Variants in LRP2 observed in about 807,000 individuals in gnomAD.
LRP2 encodes low-density lipoprotein receptor-related protein 2.
LRP2 carries 172 observed loss-of-function variants against 531.0 expected under a neutral mutation model. The ratio of observed to expected loss-of-function variants is 0.32; its 90% CI spans 0.29 to 0.37. The LOEUF is 0.37. LRP2 is among the 10% of genes least tolerant of loss of function. The pLI is 1.00. For synonymous variants in LRP2, 1,992 were observed against 2,027.6 expected (o/e 0.98, Z 0.47); for missense variants, 5,167 against 5,868.3 (o/e 0.88, Z 3.90).
chr2:169,156,452 T>G, intron 64 of LRP2, 47 bp from the exon 65 acceptor site: 1 of 1,610,592 alleles, frequency 6.2e-7, no homozygotes, highest in Admixed American at 1.7e-5. Flanking sequence ...TCCCATCCAT[T>G]CCTTAGAGAT....
At chr2:169,352,725 A>G (rs1685882448) in intron 1 of LRP2, among the ~76,000 whole-genome samples, 1 of 152,178 alleles carries the variant, frequency 6.6e-6, no homozygotes, top group Non-Finnish European at 1.5e-5. Flanking sequence ...GCTGGAAGCC[A>G]TCATTCTCAG....
Position 169,270,974 on chromosome 2 carries a change from G to A in LRP2, c.2250C>T (p.Ala750=). The change falls in exon 16 of 79, where the codon GCC becomes GCT. Residue 750 remains alanine, a synonymous_variant. Transcript: ENST00000649046. ...CTGAAAAAAAGATAGTGCTGTCCTG[G>A]GCGTCAAAATCAATCCCGACAAAGA... The part of the protein sequence containing the change: ...PSFFVGIDFD[A]QDSTIFFSDM... 1 of 1,613,030 alleles carries A rather than the reference G, an allele frequency of 6.2e-7. No individual in the cohort carries two copies. Among genetic ancestry groups the A allele is most frequent in the Non-Finnish European group, 8.5e-7 (1 of 1,179,568 alleles).
chr2:169,276,050 C>T (rs895444687), intron 13 of LRP2, among the ~76,000 whole-genome samples: 2 of 151,942 alleles, frequency 1.3e-5, no homozygotes, highest in East Asian at 3.9e-4. Flanking sequence ...TTAGCATCCC[C>T]TGAAAACTAA....
intron 4 of LRP2, among the ~76,000 whole-genome samples, chr2:169,297,972 A>AACACACACACACAC (rs10548576): frequency 8.0e-5 from 12 of 150,050 alleles, no homozygotes; most frequent in African/African-American, 2.9e-4. Flanking sequence ...AAGATTGGGA[A>AACACACACACACAC]ACACACACAC....
intron 50 of LRP2, among the ~76,000 whole-genome samples, chr2:169,183,903 C>CCAAT (rs1687532565): frequency 6.6e-6 from 1 of 152,190 alleles, no homozygotes; most frequent in South Asian, 2.1e-4. Flanking sequence ...CTGCCCCCTA[C>CCAAT]CAATGTAAAT....
rs1686964557 is a variant in LRP2 at position 169,170,690 on chromosome 2, C to T, written c.11264-23G>A. On this transcript the variant is annotated intron_variant, in intron 58 of 78. Coordinates refer to ENST00000649046, the MANE Select transcript of LRP2 (RefSeq NM_004525.3). ...GAGCTGGAAAGGAAAGGCACCTGGC[C>T]ATGAGTGTGCACCAGGAATCACATA... The T allele has an allele frequency of 3.3e-6, 5 of 1,494,990 alleles. No homozygotes were observed. The African/African-American group carries it at 4.1e-5, about 12-fold the overall frequency. 92.6% of individuals were successfully genotyped at this position (1,494,990 alleles called of 1,614,324 possible). A position where few individuals can be genotyped will look rare whatever the true frequency, so the allele number is the denominator to read the frequency against.
In LRP2 at chr2:169,170,574, T is replaced by C. The variant is rs752840429; in HGVS notation, c.11357A>G (p.Asp3786Gly). The C allele has an allele frequency of 1.2e-6, 2 of 1,614,052 alleles. No homozygotes were observed. The highest frequency in any genetic ancestry group is 1.7e-6 in the Non-Finnish European group (2 of 1,179,912). ...WICDHYNDCG[D>G]NSDERDCEMR... ...ACCACAGTCCCGTTCATCTGAGTTGTCCCCACAGTCGTTGTAATGGTCACA... is the reference window on the plus strand; with the variant it reads ...ACCACAGTCCCGTTCATCTGAGTTGCCCCCACAGTCGTTGTAATGGTCACA... The change falls in exon 59 of 79, where the codon GAC (aspartate) becomes GGC (glycine). Residue 3786 changes from aspartate (D) to glycine (G), a missense_variant. By Grantham distance (94) the Asp-to-Gly change is moderately conservative. Around this residue, in one of 6 missense-constraint regions of LRP2, gnomAD observed 564 missense variants for 747.7 expected, o/e 0.75. Transcript: ENST00000649046.
chr2:169,151,099 T>C (rs1686102584), intron 67 of LRP2, 73 bp from the exon 68 acceptor site: 1 of 1,528,326 alleles, frequency 6.5e-7, no homozygotes, highest in Non-Finnish European at 9.1e-7. Context: ...GGTTTGAAGA[T>C]GAGAGCATTT....
At chr2:169,260,467 T>C (rs1053983035) in intron 16 of LRP2, among the ~76,000 whole-genome samples, 1 of 151,954 alleles carries the variant, frequency 6.6e-6, no homozygotes, top group Non-Finnish European at 1.5e-5. Flanking sequence ...AAGGAAGGGG[T>C]GAGTGGTCAT....
Position 169,255,871 on chromosome 2 carries a change from C to T in LRP2, c.2770+235G>A, listed in dbSNP as rs182832781. Among the ~76,000 whole-genome samples, 14 of 152,218 alleles carry T rather than the reference C, an allele frequency of 9.2e-5. No individual in the cohort carries two copies. The East Asian group carries it at 2.7e-3, about 29-fold the overall frequency. ...CATGTAATCTACAAAGTGCTGTACC[C>T]ATATACACTGTCAACATTATACGAA... is the stretch of plus-strand genomic sequence containing the variant. On this transcript the variant is annotated intron_variant, in intron 19 of 78. Transcript: ENST00000649046.
rs576803992 is a variant in LRP2 at position 169,233,577 on chromosome 2, G to T, written c.4932C>A (p.His1644Gln). The stretch of plus-strand genomic sequence containing the variant: ...CTTCAAAGAGAGTTAGGGCATAGGG[G>T]TGCCGTATAATCTGTGAGGCAGAAG... ...QVIASDLIIR[H>Q]PYALTLFEDS... The change falls in exon 30 of 79, where the codon CAC becomes CAA. Residue 1644 changes from histidine (H) to glutamine (Q), a missense_variant. Physicochemically the swap from His to Gln is conservative, Grantham distance 24. This residue lies in a region of LRP2 where 2,811 missense variants were observed against 3,058.0 expected (regional missense o/e 0.92). Transcript: ENST00000649046. The T allele has an allele frequency of 4.3e-6, 7 of 1,614,126 alleles. No individual in the cohort carries two copies. The highest frequency in any genetic ancestry group is 1.1e-5 in the South Asian group (1 of 91,078).
intron 65 of LRP2, 23 bp downstream of exon 65, chr2:169,156,251 A>T (rs751869218): frequency 6.2e-7 from 1 of 1,613,370 alleles, no homozygotes; most frequent in Non-Finnish European, 8.5e-7. Context: ...AAGTCAATTA[A>T]TCCCAACATG....
intron 44 of LRP2, among the ~76,000 whole-genome samples, chr2:169,200,217 C>G (rs1257536052): frequency 1.3e-5 from 2 of 152,134 alleles, no homozygotes; most frequent in Non-Finnish European, 2.9e-5. Context: ...CGTCACTGCA[C>G]TCCAGCCTGG....
At chr2:169,233,387 A>G (rs749492120) in intron 30 of LRP2, 24 bp downstream of exon 30, 5 of 1,613,822 alleles carry the variant, frequency 3.1e-6, no homozygotes, top group South Asian at 1.1e-5. Flanking sequence ...ACTCCCAGGC[A>G]GGATGTTTCT....
At chr2:169,344,371 T>A (rs1349093447) in intron 1 of LRP2, among the ~76,000 whole-genome samples, 2 of 152,128 alleles carry the variant, frequency 1.3e-5, no homozygotes, top group Admixed American at 1.3e-4. Context: ...CCTGTGATGT[T>A]TGGTTTTCTG....
At chr2:169,247,297 T>A (rs992720166) in intron 20 of LRP2, 81 bp downstream of exon 20, 1 of 1,434,010 alleles carries the variant, frequency 7.0e-7, no homozygotes, top group Non-Finnish European at 9.7e-7. Context: ...AAGTAATAAG[T>A]ACTTAAAGAG....
chr2:169,338,230 G>GAGGGA (rs567070063), intron 1 of LRP2, among the ~76,000 whole-genome samples: 6 of 146,618 alleles, frequency 4.1e-5, no homozygotes, highest in African/African-American at 7.6e-5. Flanking sequence ...AGGAAGGAAG[G>GAGGGA]AGGGAAGGGA....
rs140570788 is a variant in LRP2 at position 169,204,257 on chromosome 2, C to T, written c.7730G>A (p.Arg2577His). ...WVDASLQRIE[R>H]STLTGVDREV... The stretch of plus-strand genomic sequence containing the variant: ...ACGATCCACGCCCGTCAGAGTGCTG[C>T]GTTCAATCCTCTGCCTAAAATGAAG... Residue 2577 changes from arginine (R) to histidine (H), a missense_variant, in exon 42 of 79, where the codon CGC (arginine) becomes CAC (histidine). This residue lies in a region of LRP2 where 1,129 missense variants were observed against 1,362.7 expected (regional missense o/e 0.83). Transcript: ENST00000649046. The T allele has an allele frequency of 4.3e-6, 7 of 1,612,934 alleles. No homozygotes were observed. The highest frequency in any genetic ancestry group is 1.3e-5 in the African/African-American group (1 of 74,888).
chr2:169,248,932 T>A, intron 19 of LRP2, among the ~76,000 whole-genome samples: 1 of 57,502 alleles, frequency 1.7e-5, no homozygotes, highest in Non-Finnish European at 3.4e-5. Context: ...CAGACCGGCT[T>A]AAGAAACGGC....
Sources: gnomAD v4.1 joint callset for allele counts (sites outside exome capture counted in the v4.1 genomes callset) on GRCh38, gnomAD v4.1.1 for gene constraint, gnomAD v4.1.1 regional missense constraint, MANE v1.5 for transcripts, NCBI Gene and HGNC (gene_info 2026-07-23, HGNC 2026-07-21) for gene names.